The following SYN2 variants were observed in gnomAD, a reference collection of about 807,000 sequenced individuals.
SYN2 encodes the protein synapsin-2.
In SYN2, 19 loss-of-function variants were observed where a neutral mutation model predicts 50.9. That is an observed-to-expected ratio of 0.37 (90% CI 0.26 to 0.55). The LOEUF is 0.55. Ranked by LOEUF, SYN2 falls within the 20% of genes least tolerant of loss-of-function variation. SYN2 has a pLI of 0.81. For synonymous variants in SYN2, 255 were observed against 224.9 expected, an observed-to-expected ratio of 1.13 and a Z score of -1.20; for missense variants, 587 against 576.4, an observed-to-expected ratio of 1.02 and a Z score of -0.19.
intron 1 of SYN2, among the ~76,000 whole-genome samples, chr3:12,068,310 T>C (rs974067890): frequency 2.6e-5 from 4 of 152,240 alleles, no homozygotes; most frequent in African/African-American, 7.2e-5. Flanking sequence ...AAGGCATTGC[T>C]CAGTTATCTT....
intron 12 of SYN2, among the ~76,000 whole-genome samples, chr3:12,188,981 G>A (rs746579000): frequency 5.3e-5 from 8 of 152,234 alleles, no homozygotes; most frequent in Non-Finnish European, 1.2e-4. Flanking sequence ...TACTCTGCCT[G>A]TGCGGGCTGA....
At chr3:12,109,299 C>T (rs903369410) in intron 1 of SYN2, among the ~76,000 whole-genome samples, 18 of 152,106 alleles carry the variant, frequency 1.2e-4, no homozygotes, top group Non-Finnish European at 2.4e-4. Context: ...TACTTAATCT[C>T]GCTGTGCTCA....
intron 5 of SYN2, chr3:12,153,522 T>G: frequency 6.2e-7 from 1 of 1,613,344 alleles, no homozygotes; most frequent in Non-Finnish European, 8.5e-7. Flanking sequence ...CTACTAGGGC[T>G]GAACGATGTC....
At chr3:12,098,856 CATATATAT>C (rs35420190) in intron 1 of SYN2, among the ~76,000 whole-genome samples, 4 of 133,652 alleles carry the variant, frequency 3.0e-5, no homozygotes, top group Admixed American at 7.4e-5. Flanking sequence ...AAAGCAAAAG[CATATATAT>C]ATATATATAT....
chr3:12,127,033 A>G (rs547523741), intron 1 of SYN2, among the ~76,000 whole-genome samples: 1 of 152,342 alleles, frequency 6.6e-6, no homozygotes, highest in East Asian at 1.9e-4. Context: ...TGAGTAAATT[A>G]ATTAGAATTA....
chr3:12,157,158 C>A (rs1697483062), intron 5 of SYN2, among the ~76,000 whole-genome samples: 1 of 152,166 alleles, frequency 6.6e-6, no homozygotes, highest in South Asian at 2.1e-4. Flanking sequence ...CCTGTAGTGG[C>A]ACCATACACC....
intron 1 of SYN2, among the ~76,000 whole-genome samples, chr3:12,122,626 G>A (rs1696585597): frequency 6.6e-6 from 1 of 152,052 alleles, no homozygotes; most frequent in Non-Finnish European, 1.5e-5. Context: ...CCTATGTGCT[G>A]GACAGAAAAA....
chr3:12,172,673 C>T (rs771269278), intron 10 of SYN2, among the ~76,000 whole-genome samples: 2 of 152,210 alleles, frequency 1.3e-5, no homozygotes, highest in African/African-American at 4.8e-5. Context: ...GTAGGCATGA[C>T]TGGTTGATCA....
chr3:12,187,705 G>A, intron 12 of SYN2, 93 bp downstream of exon 12: 1 of 1,433,284 alleles, frequency 7.0e-7, no homozygotes, highest in Non-Finnish European at 9.2e-7. Context: ...CTTCAATCAG[G>A]TCTCCTCCTA....
At chr3:12,040,062 T>C (rs777736436) in intron 1 of SYN2, among the ~76,000 whole-genome samples, 1 of 152,192 alleles carries the variant, frequency 6.6e-6, no homozygotes, top group Non-Finnish European at 1.5e-5. Flanking sequence ...GTACAAAGTA[T>C]GCTGATTTGG....
chr3:12,085,599 C>T (rs1044004832), intron 1 of SYN2, among the ~76,000 whole-genome samples: 5 of 152,130 alleles, frequency 3.3e-5, no homozygotes, highest in Admixed American at 6.5e-5. Flanking sequence ...AAATTAATAA[C>T]GGCATCTTGG....
chr3:12,159,536 G>A (rs1289983271), intron 5 of SYN2, among the ~76,000 whole-genome samples: 1 of 152,184 alleles, frequency 6.6e-6, no homozygotes, highest in Non-Finnish European at 1.5e-5. Context: ...GAAGCAGCCA[G>A]TGCTTTAGAA....
chr3:12,064,509 T>C (rs993821172), intron 1 of SYN2, among the ~76,000 whole-genome samples: 5 of 152,110 alleles, frequency 3.3e-5, no homozygotes, highest in African/African-American at 7.2e-5. Context: ...GTATCCAGAA[T>C]ATATAGAGTT....
At chr3:12,103,790 A>T (rs1009585624) in intron 1 of SYN2, among the ~76,000 whole-genome samples, 2 of 152,186 alleles carry the variant, frequency 1.3e-5, no homozygotes, top group Non-Finnish European at 2.9e-5. Context: ...GACTCAAAAT[A>T]TTAACAAATA....
intron 1 of SYN2, among the ~76,000 whole-genome samples, chr3:12,033,802 A>G (rs74388716): frequency 0.048 from 7,299 of 152,280 alleles, 571 homozygotes; most frequent in African/African-American, 0.16. Flanking sequence ...TCATCTTAGC[A>G]TAATGTTTTC....
chr3:12,164,183 A>G (rs1030037043), intron 7 of SYN2, among the ~76,000 whole-genome samples: 4 of 152,250 alleles, frequency 2.6e-5, no homozygotes, highest in African/African-American at 9.6e-5. Context: ...CAGATTACCT[A>G]TCTTTTAATT....
intron 1 of SYN2, among the ~76,000 whole-genome samples, chr3:12,114,250 T>C (rs946042970): frequency 6.6e-6 from 1 of 152,190 alleles, no homozygotes; most frequent in Non-Finnish European, 1.5e-5. Context: ...ATGTGTTCTT[T>C]GGAGAACTAT....
At chr3:12,035,732 G>T (rs1694484610) in intron 1 of SYN2, among the ~76,000 whole-genome samples, 1 of 152,174 alleles carries the variant, frequency 6.6e-6, no homozygotes, top group South Asian at 2.1e-4. Context: ...TGAAAACTTG[G>T]GGTCAGTAGA....
At chr3:12,152,435 A>G (rs1051384549) in intron 5 of SYN2, among the ~76,000 whole-genome samples, 1 of 152,214 alleles carries the variant, frequency 6.6e-6, no homozygotes, top group African/African-American at 2.4e-5. Context: ...CAGGGAGCCC[A>G]AGGCACAATG....
Sources: gnomAD v4.1 joint callset for allele counts (sites outside exome capture counted in the v4.1 genomes callset) on GRCh38, gnomAD v4.1.1 for gene constraint, MANE v1.5 for transcripts, NCBI Gene and HGNC (gene_info 2026-07-23, HGNC 2026-07-21) for gene names.